CEP128: variants seen among roughly 807,000 people sequenced by gnomAD.
CEP128 encodes the protein centrosomal protein 128kDa.
CEP128 carries 132 observed loss-of-function variants against 156.7 expected under a neutral mutation model. That is an observed-to-expected ratio of 0.84 (90% confidence interval 0.73 to 0.97). CEP128 has a LOEUF of 0.97. CEP128 is among the 50% of genes least tolerant of loss of function. The pLI, the probability that CEP128 is intolerant of heterozygous loss-of-function variation, is 0.00. For synonymous variants in CEP128, 469 were observed against 448.9 expected (o/e 1.04, Z -0.57); for missense variants, 1,252 against 1,281.9 (o/e 0.98, Z 0.36).
chr14:80,877,046 G>C (rs1013260573), intron 8 of CEP128, among the ~76,000 whole-genome samples: 1 of 152,062 alleles, frequency 6.6e-6, no homozygotes, highest in Non-Finnish European at 1.5e-5. Context: ...TGAAAAGCGG[G>C]GTTTATGGAG....
At chr14:80,888,615 T>C (rs1377237308) in intron 8 of CEP128, among the ~76,000 whole-genome samples, 2 of 152,174 alleles carry the variant, frequency 1.3e-5, no homozygotes, top group African/African-American at 4.8e-5. Flanking sequence ...AAACTAGGTA[T>C]TGAGGGAACA....
In CEP128 at chr14:80,950,609, T is replaced by C. The variant is rs143906276; in HGVS notation, c.-172+7569A>G. 2.0e-3 allele frequency among the ~76,000 whole-genome samples: 307 copies of C among 151,948 alleles called. 1 individual carries two copies. Among genetic ancestry groups the C allele is most frequent in the African/African-American group, 7.1e-3 (294 of 41,446 alleles). The stretch of plus-strand genomic sequence containing the variant: ...CCATAATCAAAGACAAAAAGAAAAA[T>C]AATTTTTTACTGAGAAAAGCATCAA... On this transcript the variant is annotated intron_variant, in intron 2 of 7. Coordinates refer to the CEP128 transcript ENST00000555529.
chr14:80,484,404 G>T (rs573801406), intron 14 of CEP128, among the ~76,000 whole-genome samples: 242 of 152,272 alleles, frequency 1.6e-3, no homozygotes, highest in Non-Finnish European at 1.3e-3. Context: ...ACCTACTTGG[G>T]TTATCAATGT....
At chr14:80,770,205 A>G (rs1900446240) in intron 16 of CEP128, among the ~76,000 whole-genome samples, 1 of 152,232 alleles carries the variant, frequency 6.6e-6, no homozygotes, top group Non-Finnish European at 1.5e-5. Flanking sequence ...GTAAACTTTG[A>G]CTTTACTCCT....
chr14:80,696,213 T>C (rs1422621573), intron 19 of CEP128, among the ~76,000 whole-genome samples: 1 of 152,234 alleles, frequency 6.6e-6, no homozygotes, highest in Non-Finnish European at 1.5e-5. Flanking sequence ...GTGTCTAGAT[T>C]GGTTGAGTGA....
Position 80,756,945 on chromosome 14 carries a change from A to G in CEP128, c.2560T>C (p.Ser854Pro). Residue 854 changes from serine (S) to proline (P), a missense_variant, in exon 18 of 25, where the codon TCA becomes CCA. Ser to Pro is a moderately conservative substitution (Grantham distance 74). Transcript: ENST00000555265. Reference protein sequence around the residue: ...KDSVEKLKVFSSGPDIHYDPH... With the variant: ...KDSVEKLKVFPSGPDIHYDPH... ...TCATAATGTATATCAGGACCAGATG[A>G]AAAAACCTACAAAAGAGAAAACAGT... 1 of 1,593,388 alleles carries G rather than the reference A, an allele frequency of 6.3e-7. No individual in the cohort carries two copies. The highest frequency in any genetic ancestry group is 8.6e-7 in the Non-Finnish European group (1 of 1,164,264).
In CEP128 at chr14:80,819,923, C is replaced by A. The variant is rs574076171; in HGVS notation, c.1209+11220G>T. Among the ~76,000 whole-genome samples the A allele has an allele frequency of 6.6e-5, 10 of 152,106 alleles. No homozygotes were observed. In the East Asian group the frequency reaches 1.7e-3, roughly 26 times the overall value. ...ATTGCCAAGTAGAAGATAGGAAAAA[C>A]AGAACATAAAACCTGAAACCAAACT... On this transcript the variant is annotated intron_variant, in intron 13 of 24. Transcript: ENST00000555265.
intron 14 of CEP128, among the ~76,000 whole-genome samples, chr14:80,484,014 T>C (rs1002664730): frequency 2.6e-5 from 4 of 152,174 alleles, no homozygotes; most frequent in Non-Finnish European, 5.9e-5. Context: ...TCCCACTCTG[T>C]TGCCTAGGCT....
At position 80,619,404 on chromosome 14, in the gene CEP128, A is replaced by ACACACACACACACACACG. The variant is rs1893374260; in HGVS notation, c.2807-38982_2807-38981insCGTGTGTGTGTGTGTGTG. Among the ~76,000 whole-genome samples, 3 of 151,684 alleles carry ACACACACACACACACACG rather than the reference A, an allele frequency of 2.0e-5. 1 individual carries two copies. In the South Asian group the frequency reaches 6.3e-4, roughly 32 times the overall value. The stretch of plus-strand genomic sequence containing the variant: ...CACACACACACACACACACACACAC[A>ACACACACACACACACACG]CAAATAGAAAACAGGCCTGGCATGG... On this transcript the variant is annotated intron_variant, in intron 19 of 24. Transcript: ENST00000555265.
At chr14:80,946,459 A>G (rs1886347279), upstream of CEP128, among the ~76,000 whole-genome samples, 2 of 151,856 alleles carry the variant, frequency 1.3e-5, no homozygotes, top group South Asian at 4.2e-4. Context: ...CTAAGATTAT[A>G]CTAATGAGAT....
chr14:80,539,683 A>C (rs1303367950), intron 21 of CEP128, among the ~76,000 whole-genome samples: 2 of 152,200 alleles, frequency 1.3e-5, no homozygotes. Flanking sequence ...GACAATCATA[A>C]GGTCTGACTG....
intron 19 of CEP128, among the ~76,000 whole-genome samples, chr14:80,738,404 G>A (rs1038321980): frequency 1.3e-5 from 2 of 152,242 alleles, no homozygotes; most frequent in East Asian, 3.9e-4. Flanking sequence ...AGAACACTGG[G>A]AATGATGAAA....
intron 8 of CEP128, among the ~76,000 whole-genome samples, chr14:80,891,169 G>A (rs1889080575): frequency 6.6e-6 from 1 of 152,054 alleles, no homozygotes. Context: ...ACTAAAAACA[G>A]AGCTACCACA....
intron 23 of CEP128, among the ~76,000 whole-genome samples, chr14:80,522,982 T>C (rs1888811552): frequency 6.6e-6 from 1 of 152,250 alleles, no homozygotes; most frequent in Non-Finnish European, 1.5e-5. Flanking sequence ...CTGCTCAAAA[T>C]CTTGACAGGC....
At chr14:80,898,950 C>A (rs761560305) in intron 7 of CEP128, among the ~76,000 whole-genome samples, 6 of 152,158 alleles carry the variant, frequency 3.9e-5, no homozygotes, top group African/African-American at 1.4e-4. Context: ...TCCACTACAA[C>A]CCTCCTGTTT....
intron 23 of CEP128, among the ~76,000 whole-genome samples, chr14:80,511,929 G>A (rs1015032897): frequency 6.6e-6 from 1 of 151,940 alleles, no homozygotes; most frequent in Non-Finnish European, 1.5e-5. Flanking sequence ...TTCCCTTGCA[G>A]TCAGAGAAGA....
At chr14:80,640,094 A>C (rs1406640071) in intron 19 of CEP128, among the ~76,000 whole-genome samples, 1 of 152,130 alleles carries the variant, frequency 6.6e-6, no homozygotes, top group Non-Finnish European at 1.5e-5. Context: ...TCAGTAATGG[A>C]ACTTATTGTA....
At chr14:80,764,512 A>C (rs1900141308) in intron 16 of CEP128, among the ~76,000 whole-genome samples, 1 of 152,066 alleles carries the variant, frequency 6.6e-6, no homozygotes, top group Admixed American at 6.5e-5. Flanking sequence ...TCTCAAAAAA[A>C]AAAAGAAAAA....
At chr14:80,953,334 C>T (rs890290937) in intron 2 of CEP128, among the ~76,000 whole-genome samples, 3 of 152,118 alleles carry the variant, frequency 2.0e-5, no homozygotes, top group African/African-American at 7.2e-5. Flanking sequence ...GCCTGTAATC[C>T]CAGCACTTTG....
Sources: allele counts gnomAD v4.1 joint callset (sites outside exome capture counted in the v4.1 genomes callset), GRCh38; gene constraint gnomAD v4.1.1; transcripts MANE v1.5; gene names NCBI Gene and HGNC (gene_info 2026-07-23, HGNC 2026-07-21).